The following DLG2 variants were observed in gnomAD, a reference collection of about 807,000 sequenced individuals.
DLG2 encodes the protein discs large MAGUK scaffold protein 2, also known as disks large homolog 2.
In DLG2, 45 loss-of-function variants were observed where a neutral mutation model predicts 132.5. The ratio of observed to expected loss-of-function variants is 0.34; its 90% CI spans 0.27 to 0.44. The LOEUF (loss-of-function observed/expected upper bound fraction) is 0.44. Among genes scored for constraint, DLG2 ranks in the 20% least tolerant of loss-of-function variants. DLG2 has a pLI of 1.00. For synonymous variants in DLG2, 424 were observed against 419.6 expected (o/e 1.01, Z -0.13); for missense variants, 1,045 against 1,196.9 (o/e 0.87, Z 1.87).
intron 3 of DLG2, among the ~76,000 whole-genome samples, chr11:85,439,633 A>G (rs568948417): frequency 6.6e-6 from 1 of 152,248 alleles, no homozygotes; most frequent in South Asian, 2.1e-4. Flanking sequence ...TGCTGGAATT[A>G]CAGGTGTGAG....
chr11:83,943,297 T>C (rs1453222828), intron 14 of DLG2, among the ~76,000 whole-genome samples: 4 of 152,238 alleles, frequency 2.6e-5, no homozygotes, highest in African/African-American at 9.6e-5. Flanking sequence ...AACTATTTTT[T>C]CTTGTAACTC....
intron 3 of DLG2, among the ~76,000 whole-genome samples, chr11:85,292,899 T>G (rs752568644): frequency 1.3e-5 from 2 of 151,604 alleles, no homozygotes; most frequent in Non-Finnish European, 2.9e-5. Flanking sequence ...AAATTATGAG[T>G]CTAGTACATC....
intron 7 of DLG2, among the ~76,000 whole-genome samples, chr11:84,400,733 A>T (rs1032240688): frequency 6.6e-6 from 1 of 152,238 alleles, no homozygotes; most frequent in African/African-American, 2.4e-5. Flanking sequence ...CAGTAAAAAA[A>T]AATACAGACT....
intron 3 of DLG2, among the ~76,000 whole-genome samples, chr11:85,409,687 T>C (rs187553722): frequency 6.6e-6 from 1 of 151,700 alleles, no homozygotes; most frequent in East Asian, 1.9e-4. Flanking sequence ...GTTATATATC[T>C]GGGGGGGTGG....
intron 7 of DLG2, among the ~76,000 whole-genome samples, chr11:84,517,838 G>A (rs1039236966): frequency 4.6e-5 from 7 of 151,924 alleles, no homozygotes; most frequent in African/African-American, 1.7e-4. Context: ...AGGAAATACT[G>A]TCATTTGCCA....
At chr11:84,881,315 T>A (rs2087298360) in intron 6 of DLG2, among the ~76,000 whole-genome samples, 1 of 152,042 alleles carries the variant, frequency 6.6e-6, no homozygotes, top group Non-Finnish European at 1.5e-5. Context: ...GGGAATGGAG[T>A]TCACCAAGAC....
intron 15 of DLG2, among the ~76,000 whole-genome samples, chr11:83,883,262 T>A (rs2066834320): frequency 6.6e-6 from 1 of 152,236 alleles, no homozygotes; most frequent in African/African-American, 2.4e-5. Context: ...TTTGATGGTG[T>A]TATTTCCAAT....
At chr11:84,818,814 C>T (rs1181141251) in intron 6 of DLG2, among the ~76,000 whole-genome samples, 1 of 151,856 alleles carries the variant, frequency 6.6e-6, no homozygotes, top group East Asian at 1.9e-4. Flanking sequence ...TCTTGAGTGG[C>T]AGACTAATGA....
chr11:83,487,282 A>C (rs1474393137), intron 21 of DLG2, among the ~76,000 whole-genome samples: 1 of 151,532 alleles, frequency 6.6e-6, no homozygotes, highest in Non-Finnish European at 1.5e-5. Flanking sequence ...TTGGAATTTG[A>C]CCTAAAATGT....
intron 7 of DLG2, among the ~76,000 whole-genome samples, chr11:84,418,355 G>A (rs74477524): frequency 2.4e-4 from 36 of 152,280 alleles, no homozygotes; most frequent in Non-Finnish European, 4.9e-4. Context: ...AAAAAGAAGA[G>A]CAACAATACT....
At chr11:85,373,055 T>C (rs748223799) in intron 3 of DLG2, among the ~76,000 whole-genome samples, 33 of 152,196 alleles carry the variant, frequency 2.2e-4, no homozygotes, top group Admixed American at 1.3e-4. Context: ...TCCCCTCAGA[T>C]GCATCCTCCA....
rs979118627 is a variant in DLG2 at position 84,818,537 on chromosome 11, G to A, written c.358-283806C>T. ...TATATTATATAAATATACTTAACAAGCCAGAAGTTCAGAGACATTTACCAT... is the reference window on the plus strand; with the variant it reads ...TATATTATATAAATATACTTAACAAACCAGAAGTTCAGAGACATTTACCAT... On this transcript the variant is annotated intron_variant, in intron 6 of 27. Coordinates refer to ENST00000376104, the MANE Select transcript of DLG2 (RefSeq NM_001142699.3). Among the ~76,000 whole-genome samples, 5 of 151,576 alleles carry A rather than the reference G, an allele frequency of 3.3e-5. No individual in the cohort carries two copies. The East Asian group carries it at 7.8e-4, about 24-fold the overall frequency.
intron 27 of DLG2, chr11:83,461,706 C>T (rs2090064068): frequency 3.4e-6 from 1 of 291,704 alleles, no homozygotes; most frequent in Non-Finnish European, 6.4e-6. Context: ...AATGAGGTAG[C>T]AATGCCTCAA....
chr11:83,653,976 T>G (rs1315448492), intron 18 of DLG2, among the ~76,000 whole-genome samples: 1 of 152,076 alleles, frequency 6.6e-6, no homozygotes, highest in Non-Finnish European at 1.5e-5. Context: ...TGCCTCTACC[T>G]CCCAAAGTGC....
At chr11:84,042,549 A>T (rs1407181864) in intron 11 of DLG2, among the ~76,000 whole-genome samples, 2 of 151,732 alleles carry the variant, frequency 1.3e-5, no homozygotes, top group African/African-American at 4.8e-5. Flanking sequence ...GTATTCCTTT[A>T]TTATATGTCT....
intron 18 of DLG2, chr11:83,721,135 A>C (rs1458824055): frequency 1.3e-5 from 2 of 152,192 alleles, no homozygotes; most frequent in Non-Finnish European, 2.9e-5. Flanking sequence ...GACATCTTAT[A>C]CAGGTGAGAA....
intron 16 of DLG2, among the ~76,000 whole-genome samples, chr11:83,842,686 G>A: frequency 6.6e-6 from 1 of 151,772 alleles, no homozygotes; most frequent in African/African-American, 2.4e-5. Context: ...CATGGTGGCG[G>A]GTGCCTGTAG....
intron 4 of DLG2, among the ~76,000 whole-genome samples, chr11:85,283,822 A>C (rs1179930231): frequency 6.6e-6 from 1 of 151,850 alleles, no homozygotes; most frequent in Non-Finnish European, 1.5e-5. Context: ...CCAGAGACTT[A>C]AAAATGTCCA....
At chr11:85,531,202 T>A (rs1488798367) in intron 3 of DLG2, among the ~76,000 whole-genome samples, 1 of 152,198 alleles carries the variant, frequency 6.6e-6, no homozygotes, top group Non-Finnish European at 1.5e-5. Flanking sequence ...TTTAAAACAA[T>A]AATTGTAAAA....
Sources: gnomAD v4.1 joint callset for allele counts (sites outside exome capture counted in the v4.1 genomes callset) on GRCh38, gnomAD v4.1.1 for gene constraint, MANE v1.5 for transcripts, NCBI Gene and HGNC (gene_info 2026-07-23, HGNC 2026-07-21) for gene names.